The following KCTD1 variants were observed in gnomAD, a reference collection of about 807,000 sequenced individuals.
KCTD1 encodes the protein BTB/POZ domain-containing protein KCTD1.
A neutral mutation model predicts 66.0 loss-of-function variants in KCTD1; 24 were observed. The ratio of observed to expected loss-of-function variants is 0.36; its 90% CI spans 0.26 to 0.51. The LOEUF is 0.51. Among genes scored for constraint, KCTD1 ranks in the 20% least tolerant of loss-of-function variants. The probability of loss-of-function intolerance (pLI) is 0.95; values close to 1 mark genes in which losing one functional copy is unlikely to be tolerated. For missense variants in KCTD1, 943 were observed against 1,205.2 expected (o/e 0.78, Z 3.22); for synonymous variants, 511 against 517.2 (o/e 0.99, Z 0.16).
chr18:26,593,380 AGGAGGAAGAAGAG>A (rs1325938825), intron 1 of KCTD1, among the ~76,000 whole-genome samples: 20 of 127,126 alleles, frequency 1.6e-4, no homozygotes, highest in African/African-American at 5.8e-4. Context: ...GAGGAAGAGG[AGGAGGAAGAAGAG>A]GAGGAGGAAG....
intron 2 of KCTD1, among the ~76,000 whole-genome samples, chr18:26,487,366 C>G (rs1981972259): frequency 6.6e-6 from 1 of 152,120 alleles, no homozygotes; most frequent in Non-Finnish European, 1.5e-5. Flanking sequence ...TATACAACTT[C>G]AAAAGTATAT....
At chr18:26,607,915 GCAC>G (rs1281882955) in intron 1 of KCTD1, among the ~76,000 whole-genome samples, 1 of 152,108 alleles carries the variant, frequency 6.6e-6, no homozygotes, top group African/African-American at 2.4e-5. Flanking sequence ...CTACAGGTGT[GCAC>G]CACCATACCT....
At chr18:26,591,354 T>G (rs1300181034) in intron 1 of KCTD1, 1 of 152,184 alleles carries the variant, frequency 6.6e-6, no homozygotes, top group Non-Finnish European at 1.5e-5. Context: ...AACTAAATTA[T>G]TTTCAATCTC....
rs1328182080 is a variant in KCTD1 at position 26,548,239 on chromosome 18, C to A, written c.298G>T (p.Asp100Tyr). The A allele has an allele frequency of 1.4e-5, 21 of 1,512,796 alleles. No individual in the cohort carries two copies. Among genetic ancestry groups the A allele is most frequent in the Non-Finnish European group, 1.9e-5 (21 of 1,134,490 alleles). The allele number at this position is 1,512,796 out of a possible 1,614,324, so 93.7% of individuals were successfully genotyped here. ...TCGGGCTCCAGGGGCTCGTCCCAGT[C>A]CAGCCCCATCTCCTCCTCTTCCTCC... ...EEEEEEEMGL[D>Y]WDEPLEPEDS... Residue 100 changes from aspartate to tyrosine, a missense_variant, in exon 1 of 5, where the codon GAC becomes TAC. Asp to Tyr is a radical substitution (Grantham distance 160). This residue lies in a region of KCTD1 where 236 missense variants were observed against 206.6 expected (regional missense o/e 1.14). Coordinates refer to ENST00000580059, the MANE Select transcript of KCTD1 (RefSeq NM_001142730.3).
intron 1 of KCTD1, among the ~76,000 whole-genome samples, chr18:26,521,839 G>A (rs1246826667): frequency 6.6e-6 from 1 of 152,188 alleles, no homozygotes; most frequent in East Asian, 1.9e-4. Flanking sequence ...AGCTGCTGGG[G>A]AAGGAGCAGG....
Position 26,455,851 on chromosome 18 carries a change from C to T in KCTD1, c.2490G>A (p.Gly830=). Residue 830 remains glycine (G), a synonymous_variant, in exon 5 of 5, where the codon GGG becomes GGA. Coordinates refer to ENST00000580059, the MANE Select transcript of KCTD1 (RefSeq NM_001142730.3). ...TGAACTGGGACGAGTCTACTCCTCC[C>T]CCACAGGAGCCCACGATTTCAAATC... The part of the protein sequence containing the change: ...QRGFEIVGSC[G]GGVDSSQFSE... 6.2e-7 allele frequency: 1 copy of T among 1,614,138 alleles called. No homozygotes were observed. Among genetic ancestry groups the T allele is most frequent in the East Asian group, 2.2e-5 (1 of 44,886 alleles).
upstream of KCTD1, among the ~76,000 whole-genome samples, chr18:26,552,618 T>C (rs371237424): frequency 6.2e-4 from 95 of 152,368 alleles, no homozygotes; most frequent in South Asian, 0.018. Context: ...AATATTTCCT[T>C]ATCATTAATT....
At chr18:26,551,582 A>G (rs1041930383), upstream of KCTD1, among the ~76,000 whole-genome samples, 2 of 152,146 alleles carry the variant, frequency 1.3e-5, no homozygotes, top group African/African-American at 4.8e-5. Flanking sequence ...TTGGGCTACT[A>G]TCTATAGGAG....
At chr18:26,584,526 A>C (rs916349003) in intron 1 of KCTD1, among the ~76,000 whole-genome samples, 6 of 152,204 alleles carry the variant, frequency 3.9e-5, no homozygotes, top group Non-Finnish European at 7.3e-5. Context: ...CCTATTCATT[A>C]GATCTTTCAG....
At chr18:26,464,974 T>C (rs573552635) in intron 3 of KCTD1, among the ~76,000 whole-genome samples, 5 of 152,302 alleles carry the variant, frequency 3.3e-5, no homozygotes, top group African/African-American at 9.6e-5. Context: ...GTTTTAAAGA[T>C]TTTGTTTATC....
chr18:26,600,383 T>A, intron 1 of KCTD1: 1 of 1,021,704 alleles, frequency 9.8e-7, no homozygotes, highest in Non-Finnish European at 1.5e-6. Context: ...TCCAGCCAAC[T>A]CCTGTCCCTC....
chr18:26,621,138 G>A (rs535396897), intron 1 of KCTD1, among the ~76,000 whole-genome samples: 20 of 152,332 alleles, frequency 1.3e-4, no homozygotes, highest in African/African-American at 4.6e-4. Flanking sequence ...CGGCCGAAAA[G>A]AATTCTTTAC....
intron 1 of KCTD1, among the ~76,000 whole-genome samples, chr18:26,576,355 C>T (rs1986225618): frequency 6.6e-6 from 1 of 152,064 alleles, no homozygotes; most frequent in Admixed American, 6.5e-5. Flanking sequence ...TATTCTACTC[C>T]CTTGCTGAGA....
upstream of KCTD1, among the ~76,000 whole-genome samples, chr18:26,643,729 A>G (rs376977377): frequency 1.2e-3 from 179 of 152,246 alleles, 1 homozygote; most frequent in East Asian, 5.4e-3. Context: ...TTGGGAGGCC[A>G]AGGCGGGCAT....
rs1983744670 is a variant in KCTD1, at chr18:26,518,043, G to A, written c.1810-16793C>T. On this transcript the variant is annotated intron_variant, in intron 1 of 4. Coordinates refer to ENST00000580059, the MANE Select transcript of KCTD1 (RefSeq NM_001142730.3). ...ATAAGTCTACCTGCAGGCTCTGCAGGGGTAGGAACTGTGTTTTGTTTGCTG... is the reference window on the plus strand; with the variant it reads ...ATAAGTCTACCTGCAGGCTCTGCAGAGGTAGGAACTGTGTTTTGTTTGCTG... 2.0e-5 allele frequency among the ~76,000 whole-genome samples: 3 copies of A among 152,194 alleles called. No individual in the cohort carries two copies. The South Asian group carries it at 6.2e-4, about 31-fold the overall frequency.
intron 1 of KCTD1, among the ~76,000 whole-genome samples, chr18:26,603,755 T>TA (rs1389937002): frequency 1.5e-4 from 9 of 59,096 alleles, no homozygotes; most frequent in East Asian, 8.8e-4. Context: ...AAAAATAAAA[T>TA]AAATAAATAA....
intron 1 of KCTD1, among the ~76,000 whole-genome samples, chr18:26,509,267 G>C (rs1300727291): frequency 2.6e-5 from 4 of 151,938 alleles, no homozygotes; most frequent in African/African-American, 9.7e-5. Flanking sequence ...AAACAGCAAA[G>C]AATTAGCCCA....
At chr18:26,579,030 GT>G (rs1251617891) in intron 1 of KCTD1, among the ~76,000 whole-genome samples, 1 of 151,830 alleles carries the variant, frequency 6.6e-6, no homozygotes, top group Non-Finnish European at 1.5e-5. Flanking sequence ...TACAGGATGT[GT>G]TTTTACCTGT....
At chr18:26,606,009 T>C (rs1189347023) in intron 1 of KCTD1, among the ~76,000 whole-genome samples, 1 of 152,122 alleles carries the variant, frequency 6.6e-6, no homozygotes, top group Non-Finnish European at 1.5e-5. Flanking sequence ...CATGTAAGAC[T>C]TACATTGGTT....
Sources: gnomAD v4.1 joint callset for allele counts (sites outside exome capture counted in the v4.1 genomes callset) on GRCh38, gnomAD v4.1.1 for gene constraint, gnomAD v4.1.1 regional missense constraint, MANE v1.5 for transcripts, NCBI Gene and HGNC (gene_info 2026-07-23, HGNC 2026-07-21) for gene names.